SOCS4: variants seen among roughly 807,000 people sequenced by gnomAD.
The protein encoded by SOCS4 is suppressor of cytokine signaling 4.
Under a neutral mutation model 34.1 loss-of-function variants are expected in SOCS4, and 20 were observed. The observed-to-expected ratio is 0.59, with a 90% confidence interval of 0.41 to 0.85. SOCS4 has a LOEUF of 0.85. Among genes scored for constraint, SOCS4 ranks in the 40% least tolerant of loss-of-function variants. The pLI is 0.00. For synonymous variants in SOCS4, 180 were observed against 186.4 expected (o/e 0.97, Z 0.28); for missense variants, 479 against 532.4 (o/e 0.90, Z 0.99).
Position 55,044,130 on chromosome 14 carries a change from T to C in SOCS4, c.1089T>C (p.His363=), listed in dbSNP as rs2042650546. 1 of 1,614,140 alleles carries C rather than the reference T, an allele frequency of 6.2e-7. No homozygotes were observed. Among genetic ancestry groups the C allele is most frequent in the African/African-American group, 1.3e-5 (1 of 75,040 alleles). The part of the protein sequence containing the change: ...HSPDITGLLE[H]YKDPSACMFF... ...CTGACATTACTGGGCTCCTAGAACA[T>C]TATAAGGACCCAAGCGCCTGTATGT... The change falls in exon 3 of 3, where the codon CAT becomes CAC. Residue 363 remains histidine (H), a synonymous_variant. Coordinates refer to ENST00000555846, the MANE Select transcript of SOCS4 (RefSeq NM_199421.2).
intron 2 of SOCS4, among the ~76,000 whole-genome samples, chr14:55,039,939 C>T (rs2042603344): frequency 6.6e-6 from 1 of 152,092 alleles, no homozygotes; most frequent in African/African-American, 2.4e-5. Context: ...GAGCTTAGCT[C>T]TCATATGGAA....
At chr14:55,027,653 G>C (rs921076169) in intron 1 of SOCS4, 182 bp downstream of exon 1, 3 of 152,272 alleles carry the variant, frequency 2.0e-5, no homozygotes, top group Admixed American at 6.5e-5. Context: ...AGATCTTCTA[G>C]AGCCTCTAAT....
At position 55,043,329 on chromosome 14, in the gene SOCS4, A is replaced by G; in HGVS notation, c.288A>G (p.Gln96=). Residue 96 remains glutamine (Q), a synonymous_variant, in exon 3 of 3, where the codon CAA becomes CAG. Coordinates refer to ENST00000555846, the MANE Select transcript of SOCS4 (RefSeq NM_199421.2). The stretch of plus-strand genomic sequence containing the variant: ...GCCGATCTCTTAAACAGAAACTGCA[A>G]GATGCCGTGGGGCAGTGTTTTCCAA... The part of the protein sequence containing the change: ...FLGRSLKQKL[Q]DAVGQCFPIK... 3.7e-6 allele frequency: 6 copies of G among 1,614,238 alleles called. No homozygotes were observed. Among genetic ancestry groups the G allele is most frequent in the Admixed American group, 1.7e-5 (1 of 60,026 alleles).
intron 1 of SOCS4, among the ~76,000 whole-genome samples, chr14:55,029,413 G>A (rs1212641): frequency 2.0e-5 from 3 of 152,000 alleles, no homozygotes; most frequent in Admixed American, 1.3e-4. Flanking sequence ...GTCACAGATT[G>A]AATTGCAGTG....
intron 2 of SOCS4, among the ~76,000 whole-genome samples, chr14:55,039,528 T>C (rs2042599461): frequency 6.6e-6 from 1 of 152,224 alleles, no homozygotes; most frequent in Non-Finnish European, 1.5e-5. Context: ...GACTTAGTTG[T>C]TTTTGAAGGT....
chr14:55,027,372 G>A lies in SOCS4; in HGVS notation c.-319G>A, dbSNP rs77678033. 0.14 allele frequency: 22,299 copies of A among 160,112 alleles called. 1,761 individuals are homozygous for A. The highest frequency in any genetic ancestry group is 0.17 in the Non-Finnish European group (12,126 of 71,992). 9.9% of individuals were successfully genotyped at this position (160,112 alleles called of 1,614,324 possible). ...TAAGACCTACACGAGGTGCAGGAGTGGTTGGGCCTCCCCTCTCCACTTAAG... is the reference window on the plus strand; with the variant it reads ...TAAGACCTACACGAGGTGCAGGAGTAGTTGGGCCTCCCCTCTCCACTTAAG... On this transcript the variant is annotated 5_prime_UTR_variant, in exon 1 of 3. Coordinates refer to ENST00000555846, the MANE Select transcript of SOCS4 (RefSeq NM_199421.2).
At chr14:55,039,505 C>T (rs984559088) in intron 2 of SOCS4, among the ~76,000 whole-genome samples, 1 of 152,194 alleles carries the variant, frequency 6.6e-6, no homozygotes, top group African/African-American at 2.4e-5. Flanking sequence ...ATCACTGAAA[C>T]ATTTTATAAG....
Position 55,046,871 on chromosome 14 carries a change from AGGTTACCCCC to A in SOCS4, c.*2508_*2517del, listed in dbSNP as rs2042681188. 1 of 167,082 alleles carries A rather than the reference AGGTTACCCCC, an allele frequency of 6.0e-6. No individual in the cohort carries two copies. The highest frequency in any genetic ancestry group is 2.4e-5 in the African/African-American group (1 of 41,462). The allele number at this position is 167,082 out of a possible 1,614,324, so 10.3% of individuals were successfully genotyped here. On this transcript the variant is annotated 3_prime_UTR_variant, in exon 3 of 3. Transcript: ENST00000555846. Reference sequence around the variant, plus strand: ...AACATTAAGGAATTGGAATTCAGAAAGGTTACCCCCTTCCTCTGTGTCTTTGTAAGGATAC... The same window carrying A: ...AACATTAAGGAATTGGAATTCAGAAATTCCTCTGTGTCTTTGTAAGGATAC...
In SOCS4 at chr14:55,046,968, T is replaced by A. The variant is rs2042682443; in HGVS notation, c.*2604T>A. On this transcript the variant is annotated 3_prime_UTR_variant, in exon 3 of 3. Coordinates refer to ENST00000555846, the MANE Select transcript of SOCS4 (RefSeq NM_199421.2). ...TATAAAATGTAAACAATATATTGATTGCACTATATAAATGAGTAAATTTTG... is the reference window on the plus strand; with the variant it reads ...TATAAAATGTAAACAATATATTGATAGCACTATATAAATGAGTAAATTTTG... 1 of 167,074 alleles carries A rather than the reference T, an allele frequency of 6.0e-6. No homozygotes were observed. The highest frequency in any genetic ancestry group is 1.5e-5 in the Non-Finnish European group (1 of 68,092). 10.3% of individuals were successfully genotyped at this position (167,074 alleles called of 1,614,324 possible). A position where few individuals can be genotyped will look rare whatever the true frequency, so the allele number is the denominator to read the frequency against.
intron 1 of SOCS4, among the ~76,000 whole-genome samples, chr14:55,031,644 G>A (rs1317017123): frequency 6.6e-6 from 1 of 152,186 alleles, no homozygotes; most frequent in Non-Finnish European, 1.5e-5. Context: ...GAAAGGGAAA[G>A]GAGGGTGTAG....
At position 55,049,249 on chromosome 14, in the gene SOCS4, G is replaced by A. The variant is rs891115517; in HGVS notation, c.*4885G>A. 1.2e-5 allele frequency: 2 copies of A among 167,056 alleles called. No homozygotes were observed. Among genetic ancestry groups the A allele is most frequent in the Admixed American group, 6.5e-5 (1 of 15,294 alleles). 10.3% of individuals were successfully genotyped at this position (167,056 alleles called of 1,614,324 possible). On this transcript the variant is annotated 3_prime_UTR_variant, in exon 3 of 3. Coordinates refer to ENST00000555846, the MANE Select transcript of SOCS4 (RefSeq NM_199421.2). ...AATTATGCTGACTTTGCTAGAATTGGATAAATTCTGTATAAGCCAAGTATG... is the reference window on the plus strand; with the variant it reads ...AATTATGCTGACTTTGCTAGAATTGAATAAATTCTGTATAAGCCAAGTATG...
chr14:55,034,263 A>G (rs1456634190), intron 2 of SOCS4, among the ~76,000 whole-genome samples: 2 of 152,244 alleles, frequency 1.3e-5, no homozygotes, highest in African/African-American at 4.8e-5. Flanking sequence ...ACAAATGACC[A>G]TCTGACAATG....
In SOCS4 at chr14:55,043,395, TA is replaced by T; in HGVS notation, c.358del (p.Arg120GlyfsTer10). The T allele has an allele frequency of 6.2e-7, 1 of 1,614,198 alleles. No individual in the cohort carries two copies. Among genetic ancestry groups the T allele is most frequent in the Non-Finnish European group, 8.5e-7 (1 of 1,180,040 alleles). On this transcript the variant is annotated frameshift_variant, in exon 3 of 3. Coordinates refer to ENST00000555846, the MANE Select transcript of SOCS4 (RefSeq NM_199421.2). LOFTEE classifies it high-confidence loss of function. ...GTCGGCACTCTTCAGGGCTTCCGTC[TA>T]AAAGGAAAATTCATATCAGTGAACT... Reference protein sequence around the residue: ...SSRHSSGLPSKRKIHISELML... With the variant: ...SSRHSSGLPSXRKIHISELML...
chr14:55,037,741 G>A (rs551906480), intron 2 of SOCS4, among the ~76,000 whole-genome samples: 6 of 151,196 alleles, frequency 4.0e-5, no homozygotes, highest in Admixed American at 2.0e-4. Flanking sequence ...TGATCCTCCC[G>A]CCTCGGCCTC....
In SOCS4 at chr14:55,043,215, C is replaced by G. The variant is rs371023809; in HGVS notation, c.174C>G (p.Thr58=). The change falls in exon 3 of 3, where the codon ACC becomes ACG. Residue 58 remains threonine, a synonymous_variant. Transcript: ENST00000555846. ...AGACAGTGAATGGTATAGAGAAAAC[C>G]GAAGTGTCTTTAAGGAACCAAGAAA... ...DAETVNGIEK[T]EVSLRNQERK... is the part of the protein sequence containing the mutation. 4.3e-6 allele frequency: 7 copies of G among 1,613,998 alleles called. No homozygotes were observed. The African/African-American group carries it at 5.3e-5, about 12-fold the overall frequency.
chr14:55,044,121 C>T lies in SOCS4; in HGVS notation c.1080C>T (p.Leu360=). Residue 360 remains leucine, a synonymous_variant, in exon 3 of 3, where the codon CTC becomes CTT. Coordinates refer to ENST00000555846, the MANE Select transcript of SOCS4 (RefSeq NM_199421.2). ...CVFHSPDITG[L]LEHYKDPSAC... The stretch of plus-strand genomic sequence containing the variant: ...TCCATTCTCCTGACATTACTGGGCT[C>T]CTAGAACATTATAAGGACCCAAGCG... 3 of 1,614,154 alleles carry T rather than the reference C, an allele frequency of 1.9e-6. No individual in the cohort carries two copies. Among genetic ancestry groups the T allele is most frequent in the Non-Finnish European group, 2.5e-6 (3 of 1,180,020 alleles).
chr14:55,044,280 T>C lies in SOCS4; in HGVS notation c.1239T>C (p.Ser413=), dbSNP rs1248848983. The change falls in exon 3 of 3, where the codon TCT becomes TCC. Residue 413 remains serine, a synonymous_variant. Transcript: ENST00000555846. ...YDGIDALPIP[S]SMKLYLKEYH... is the part of the protein sequence containing the mutation. ...GCATCGATGCCCTTCCAATTCCTTC[T>C]TCTATGAAATTATATCTGAAGGAAT... 5.0e-6 allele frequency: 8 copies of C among 1,613,744 alleles called. No individual in the cohort carries two copies. Among genetic ancestry groups the C allele is most frequent in the Non-Finnish European group, 5.9e-6 (7 of 1,179,808 alleles).
chr14:55,049,002 C>G lies in SOCS4; in HGVS notation c.*4638C>G, dbSNP rs1020177380. 3 of 166,882 alleles carry G rather than the reference C, an allele frequency of 1.8e-5. No individual in the cohort carries two copies. Among genetic ancestry groups the G allele is most frequent in the Admixed American group, 6.5e-5 (1 of 15,286 alleles). 10.3% of individuals were successfully genotyped at this position (166,882 alleles called of 1,614,324 possible). A position where few individuals can be genotyped will look rare whatever the true frequency, so the allele number is the denominator to read the frequency against. ...TGACTTGTTTTAACAGTAGAGATAG[C>G]AGTACAATTTGAATTTATGGTTTAG... On this transcript the variant is annotated 3_prime_UTR_variant, in exon 3 of 3. Coordinates refer to ENST00000555846, the MANE Select transcript of SOCS4 (RefSeq NM_199421.2).
chr14:55,046,199 G>C lies in SOCS4; in HGVS notation c.*1835G>C, dbSNP rs2042674887. On this transcript the variant is annotated 3_prime_UTR_variant, in exon 3 of 3. Coordinates refer to ENST00000555846, the MANE Select transcript of SOCS4 (RefSeq NM_199421.2). Reference sequence around the variant, plus strand: ...ATTTACCTTTTACAAGGTTAGAAAAGTCTCATACTACCTCATCTTTATTGT... The same window carrying C: ...ATTTACCTTTTACAAGGTTAGAAAACTCTCATACTACCTCATCTTTATTGT... 1 of 166,792 alleles carries C rather than the reference G, an allele frequency of 6.0e-6. No individual in the cohort carries two copies. Among genetic ancestry groups the C allele is most frequent in the Non-Finnish European group, 1.5e-5 (1 of 67,976 alleles). 10.3% of individuals were successfully genotyped at this position (166,792 alleles called of 1,614,324 possible). A position where few individuals can be genotyped will look rare whatever the true frequency, so the allele number is the denominator to read the frequency against.
Sources: allele counts gnomAD v4.1 joint callset (sites outside exome capture counted in the v4.1 genomes callset), GRCh38; gene constraint gnomAD v4.1.1; transcripts MANE v1.5; gene names NCBI Gene and HGNC (gene_info 2026-07-23, HGNC 2026-07-21).